The following GMPS variants were observed in gnomAD, a reference collection of about 807,000 sequenced individuals.
The protein encoded by GMPS is guanosine monophosphate synthase.
A neutral mutation model predicts 77.9 loss-of-function variants in GMPS; 15 were observed. The observed-to-expected ratio is 0.19, with a 90% confidence interval of 0.13 to 0.30. The LOEUF (loss-of-function observed/expected upper bound fraction) is 0.30, where lower values mean the gene tolerates loss of function less well. GMPS is among the 10% of genes least tolerant of loss of function. The probability of loss-of-function intolerance (pLI) is 1.00; values close to 1 mark genes in which losing one functional copy is unlikely to be tolerated. For missense variants in GMPS, 590 were observed against 838.8 expected, an observed-to-expected ratio of 0.70 and a Z score of 3.66; for synonymous variants, 224 against 275.9, an observed-to-expected ratio of 0.81 and a Z score of 1.86.
rs374659420 is a variant in GMPS, at chr3:155,941,507, T to G, written c.*3815T>G. The G allele has an allele frequency of 1.8e-5, 4 of 216,540 alleles. No homozygotes were observed. Among genetic ancestry groups the G allele is most frequent in the African/African-American group, 9.0e-5 (4 of 44,578 alleles). The allele number at this position is 216,540 out of a possible 1,614,324, so 13.4% of individuals were successfully genotyped here. A position where few individuals can be genotyped will look rare whatever the true frequency, so the allele number is the denominator to read the frequency against. ...CTTACTTACAGTGAGTTTCTAGAGATAGCCCTGTCTTTCAGAAATTCTCTG... is the reference window on the plus strand; with the variant it reads ...CTTACTTACAGTGAGTTTCTAGAGAGAGCCCTGTCTTTCAGAAATTCTCTG... On this transcript the variant is annotated 3_prime_UTR_variant, in exon 16 of 16. Transcript: ENST00000496455.
At chr3:155,908,433 C>T (rs1754950824) in intron 5 of GMPS, among the ~76,000 whole-genome samples, 1 of 152,192 alleles carries the variant, frequency 6.6e-6, no homozygotes, top group Non-Finnish European at 1.5e-5. Context: ...TTCCCCCTTA[C>T]CCTTCAAAGT....
intron 1 of GMPS, among the ~76,000 whole-genome samples, chr3:155,875,661 A>C (rs1045391671): frequency 6.6e-5 from 10 of 152,260 alleles, no homozygotes; most frequent in African/African-American, 2.4e-4. Flanking sequence ...TAATTGTTTC[A>C]TAGAATTTTA....
chr3:155,891,455 T>A (rs1754460324), intron 1 of GMPS, among the ~76,000 whole-genome samples: 1 of 152,180 alleles, frequency 6.6e-6, no homozygotes, highest in Non-Finnish European at 1.5e-5. Context: ...AAGGACAAAG[T>A]TGTAGTTTGT....
rs1260802890 is a variant in GMPS, at chr3:155,938,670, G to A, written c.*978G>A. On this transcript the variant is annotated 3_prime_UTR_variant, in exon 16 of 16. Coordinates refer to ENST00000496455, the MANE Select transcript of GMPS (RefSeq NM_003875.3). ...CATCTAGTAAACAGTTGTAAAATGA[G>A]CTTTTAAATCTAATCTATAGACATA... 5.0e-6 allele frequency: 1 copy of A among 201,386 alleles called. No individual in the cohort carries two copies. Among genetic ancestry groups the A allele is most frequent in the Admixed American group, 6.0e-5 (1 of 16,646 alleles). 12.5% of individuals were successfully genotyped at this position (201,386 alleles called of 1,614,324 possible). A position where few individuals can be genotyped will look rare whatever the true frequency, so the allele number is the denominator to read the frequency against.
rs572449589 is a variant in GMPS, at chr3:155,895,995, T to G, written c.210-1932T>G. Among the ~76,000 whole-genome samples, 9 of 151,580 alleles carry G rather than the reference T, an allele frequency of 5.9e-5. 1 individual carries two copies. In the South Asian group the frequency reaches 6.3e-4, roughly 11 times the overall value. ...GTGTTTTATAGAATTTTAGCTTCTG[T>G]TTTTTTTGTTTTTGTTTTTGTTTTT... is the stretch of plus-strand genomic sequence containing the variant. On this transcript the variant is annotated intron_variant, in intron 2 of 15. Coordinates refer to ENST00000496455, the MANE Select transcript of GMPS (RefSeq NM_003875.3).
At chr3:155,888,120 C>T (rs946928593) in intron 1 of GMPS, among the ~76,000 whole-genome samples, 16 of 151,454 alleles carry the variant, frequency 1.1e-4, no homozygotes, top group Non-Finnish European at 1.9e-4. Context: ...CTGCATTGCC[C>T]AGACTAGTCT....
chr3:155,932,130 ATTT>A (rs1310050278), intron 13 of GMPS, among the ~76,000 whole-genome samples: 1 of 152,146 alleles, frequency 6.6e-6, no homozygotes, highest in Non-Finnish European at 1.5e-5. Context: ...AAGGAGAAAG[ATTT>A]TTATTTTAGT....
In GMPS at chr3:155,941,213, G is replaced by T. The variant is rs1299851840; in HGVS notation, c.*3521G>T. The T allele has an allele frequency of 1.1e-5, 2 of 176,652 alleles. No individual in the cohort carries two copies. The highest frequency in any genetic ancestry group is 2.4e-5 in the Non-Finnish European group (2 of 82,178). 10.9% of individuals were successfully genotyped at this position (176,652 alleles called of 1,614,324 possible). On this transcript the variant is annotated 3_prime_UTR_variant, in exon 16 of 16. Coordinates refer to ENST00000496455, the MANE Select transcript of GMPS (RefSeq NM_003875.3). ...AGATCAGGAGATCGAGACCATCTTGGCTAACACGGTGAAACCCCATCTCTA... is the reference window on the plus strand; with the variant it reads ...AGATCAGGAGATCGAGACCATCTTGTCTAACACGGTGAAACCCCATCTCTA...
chr3:155,873,686 G>C (rs943972542), intron 1 of GMPS, among the ~76,000 whole-genome samples: 1 of 123,770 alleles, frequency 8.1e-6, no homozygotes, highest in Non-Finnish European at 1.6e-5. Context: ...CCAGGCTGGA[G>C]TGCAGTGGTG....
rs1256148012 is a variant in GMPS, at chr3:155,931,666, ATCTTT to A, written c.1561-92_1561-88del. 1.9e-5 allele frequency: 11 copies of A among 569,538 alleles called. 1 individual carries two copies. The highest frequency in any genetic ancestry group is 3.3e-5 in the East Asian group (1 of 30,666). The allele number at this position is 569,538 out of a possible 1,614,324, so 35.3% of individuals were successfully genotyped here. Reference sequence around the variant, plus strand: ...CCATGCATAAGATATTTTTCAATGCATCTTTTCTTTTTTTTTTAAAAAAAAAAAAA... The same window carrying A: ...CCATGCATAAGATATTTTTCAATGCATCTTTTTTTTTTAAAAAAAAAAAAA... On this transcript the variant is annotated intron_variant, in intron 12 of 15. Transcript: ENST00000496455.
At chr3:155,909,306 A>C (rs1203047627) in intron 5 of GMPS, among the ~76,000 whole-genome samples, 2 of 152,360 alleles carry the variant, frequency 1.3e-5, no homozygotes, top group East Asian at 3.9e-4. Flanking sequence ...TGTGGTTAAT[A>C]GTAGTCAAGA....
chr3:155,932,764 C>T (rs1755658833), intron 13 of GMPS, among the ~76,000 whole-genome samples: 2 of 152,092 alleles, frequency 1.3e-5, no homozygotes, highest in South Asian at 2.1e-4. Flanking sequence ...CTGTATAGTT[C>T]GAGATAAGGA....
At chr3:155,879,730 CTT>C (rs58045835) in intron 1 of GMPS, among the ~76,000 whole-genome samples, 5 of 107,630 alleles carry the variant, frequency 4.6e-5, no homozygotes, top group Admixed American at 3.7e-4. Flanking sequence ...CTTTTTTGCC[CTT>C]TTTTTTTTTT....
At chr3:155,929,165 T>G (rs1350656620) in intron 12 of GMPS, among the ~76,000 whole-genome samples, 1 of 151,506 alleles carries the variant, frequency 6.6e-6, no homozygotes, top group East Asian at 2.0e-4. Context: ...AGTGTAAAAG[T>G]GTTCCTATTT....
intron 1 of GMPS, among the ~76,000 whole-genome samples, chr3:155,890,904 C>A (rs549308712): frequency 6.6e-5 from 10 of 152,280 alleles, no homozygotes; most frequent in Middle Eastern, 3.4e-3. Flanking sequence ...CTTTGTTGGC[C>A]AGCCCCGTTT....
At position 155,943,016 on chromosome 3, in the gene GMPS, A is replaced by C. The variant is rs1223269660; in HGVS notation, c.*5324A>C. 2 of 178,968 alleles carry C rather than the reference A, an allele frequency of 1.1e-5. No homozygotes were observed. The highest frequency in any genetic ancestry group is 4.7e-5 in the African/African-American group (2 of 42,290). 11.1% of individuals were successfully genotyped at this position (178,968 alleles called of 1,614,324 possible). On this transcript the variant is annotated 3_prime_UTR_variant, in exon 16 of 16. Coordinates refer to ENST00000496455, the MANE Select transcript of GMPS (RefSeq NM_003875.3). ...GAGGCCGAGGCGGGCGGATCTCTTG[A>C]GGTCAGGAGTTTGAGACCAGCGTGG...
chr3:155,883,296 A>G (rs1174572198), intron 1 of GMPS, among the ~76,000 whole-genome samples: 1 of 152,090 alleles, frequency 6.6e-6, no homozygotes, highest in Non-Finnish European at 1.5e-5. Flanking sequence ...GCTGGTCTCA[A>G]ACTCCTGAGC....
intron 1 of GMPS, among the ~76,000 whole-genome samples, chr3:155,889,755 G>T (rs2108067935): frequency 6.6e-6 from 1 of 152,110 alleles, no homozygotes; most frequent in African/African-American, 2.4e-5. Context: ...TGCTGTATAT[G>T]GTTTAATTTT....
intron 1 of GMPS, among the ~76,000 whole-genome samples, chr3:155,889,015 C>A (rs1754404316): frequency 6.6e-6 from 1 of 152,244 alleles, no homozygotes. Context: ...GCTTTAGTCA[C>A]AGGGACCTGG....
Sources: allele counts gnomAD v4.1 joint callset (sites outside exome capture counted in the v4.1 genomes callset), GRCh38; gene constraint gnomAD v4.1.1; transcripts MANE v1.5; gene names NCBI Gene and HGNC (gene_info 2026-07-23, HGNC 2026-07-21).